The following TPH1 variants were observed in gnomAD, a reference collection of about 807,000 sequenced individuals.
The protein encoded by TPH1 is tryptophan 5-hydroxylase 1.
A neutral mutation model predicts 49.5 loss-of-function variants in TPH1; 37 were observed. That is an observed-to-expected ratio of 0.75 (90% confidence interval 0.58 to 0.98). The LOEUF (loss-of-function observed/expected upper bound fraction) is 0.98, where lower values mean the gene tolerates loss of function less well. Ranked by LOEUF, TPH1 falls within the 50% of genes least tolerant of loss-of-function variation. TPH1 has a pLI of 0.00. For synonymous variants in TPH1, 160 were observed against 182.1 expected, an observed-to-expected ratio of 0.88 and a Z score of 0.98; for missense variants, 487 against 523.6, an observed-to-expected ratio of 0.93 and a Z score of 0.68.
At chr11:18,029,939 C>T (rs1449302392) in intron 4 of TPH1, among the ~76,000 whole-genome samples, 2 of 151,978 alleles carry the variant, frequency 1.3e-5, no homozygotes, top group African/African-American at 4.8e-5. Context: ...GTTATATTTA[C>T]CTGTAATAGT....
At chr11:18,029,142 C>T in intron 6 of TPH1, 23 bp downstream of exon 6, 1 of 1,423,276 alleles carries the variant, frequency 7.0e-7, no homozygotes, top group Non-Finnish European at 9.8e-7. Context: ...AACTCCCTTA[C>T]AAAAAATTAA....
chr11:18,044,752 AAAC>A (rs200792233), intron 1 of TPH1, among the ~76,000 whole-genome samples: 13 of 139,444 alleles, frequency 9.3e-5, no homozygotes, highest in African/African-American at 2.9e-4. Context: ...TCTTTCAGGA[AAAC>A]AAAACAAAAC....
rs1260431470 is a variant in TPH1, at chr11:18,020,813, G to A, written c.*178C>T. Reference sequence around the variant, plus strand: ...AATAAAACTAAACAAAAAAATAAGTGGTAAATAGAATATCCAGGTACAAAT... The same window carrying A: ...AATAAAACTAAACAAAAAAATAAGTAGTAAATAGAATATCCAGGTACAAAT... On this transcript the variant is annotated 3_prime_UTR_variant, in exon 11 of 11. Coordinates refer to ENST00000682019, the MANE Select transcript of TPH1 (RefSeq NM_004179.3). The A allele has an allele frequency of 3.2e-6, 2 of 618,508 alleles. No homozygotes were observed. Among genetic ancestry groups the A allele is most frequent in the Non-Finnish European group, 5.7e-6 (2 of 352,866 alleles). The allele number at this position is 618,508 out of a possible 1,614,324, so 38.3% of individuals were successfully genotyped here.
chr11:18,042,563 G>A, intron 1 of TPH1: 1 of 262,398 alleles, frequency 3.8e-6, no homozygotes. Flanking sequence ...AAACTTGGAG[G>A]GAGGATAATT....
Position 18,029,176 on chromosome 11 carries a change from T to C in TPH1, c.656A>G (p.Asn219Ser), listed in dbSNP as rs780343911. The change falls in exon 6 of 11, where the codon AAC becomes AGC. Residue 219 changes from asparagine to serine, a missense_variant. By Grantham distance (46) the Asn-to-Ser change is conservative. Transcript: ENST00000682019. ...DNIPQLEDVS[N>S]FLKERTGFSI... ...AATTAGCTTATTACCTTTTAAAAAG[T>C]TGGAGACATCTTCCAATTGTGGGAT... 1.2e-6 allele frequency: 2 copies of C among 1,611,684 alleles called. No individual in the cohort carries two copies. Among genetic ancestry groups the C allele is most frequent in the Admixed American group, 3.3e-5 (2 of 59,938 alleles).
intron 8 of TPH1, among the ~76,000 whole-genome samples, chr11:18,024,647 T>C (rs1466919801): frequency 6.6e-6 from 1 of 152,226 alleles, no homozygotes; most frequent in Non-Finnish European, 1.5e-5. Context: ...ATCTGAATTA[T>C]GTCAATGAAC....
chr11:18,043,519 C>T (rs539182324), intron 1 of TPH1, among the ~76,000 whole-genome samples: 1 of 151,898 alleles, frequency 6.6e-6, no homozygotes. Flanking sequence ...GCATGAAAAT[C>T]GTTTGAACTC....
chr11:18,024,062 C>G, intron 8 of TPH1, 79 bp from the exon 9 acceptor site: 1 of 1,089,994 alleles, frequency 9.2e-7, no homozygotes, highest in Non-Finnish European at 1.4e-6. Context: ...GTCACTGACC[C>G]AAAATACCCT....
At chr11:18,044,033 C>T (rs1848119874) in intron 1 of TPH1, among the ~76,000 whole-genome samples, 1 of 152,124 alleles carries the variant, frequency 6.6e-6, no homozygotes, top group Admixed American at 6.5e-5. Flanking sequence ...GTGCCAACAT[C>T]TCCTTAGTTG....
intron 10 of TPH1, among the ~76,000 whole-genome samples, chr11:18,022,324 C>T (rs1251749793): frequency 1.3e-5 from 2 of 152,180 alleles, no homozygotes; most frequent in East Asian, 3.8e-4. Flanking sequence ...AACATCCTGA[C>T]CTTTTTTCAT....
Position 18,021,084 on chromosome 11 carries a change from G to A in TPH1, c.1242C>T (p.Thr414=), listed in dbSNP as rs1250633717. ...YTRSIQILKD[T]KSITSAMNEL... ...CATTCATGGCACTGGTTATGCTCTT[G>A]GTGTCTTTCAGGATCTGAATACTCC... The change falls in exon 11 of 11, where the codon ACC becomes ACT. Residue 414 remains threonine, a synonymous_variant. Transcript: ENST00000682019. 1 of 1,613,882 alleles carries A rather than the reference G, an allele frequency of 6.2e-7. No individual in the cohort carries two copies. Among genetic ancestry groups the A allele is most frequent in the Non-Finnish European group, 8.5e-7 (1 of 1,179,956 alleles).
Position 18,029,499 on chromosome 11 carries a change from T to A in TPH1, c.470+13A>T, listed in dbSNP as rs574802120. The A allele has an allele frequency of 5.1e-5, 81 of 1,596,340 alleles. No homozygotes were observed. The African/African-American group carries it at 7.8e-4, about 15-fold the overall frequency. ...TATCTCAAAGTTGACTATATTTTTT[T>A]AAATATACTTACTGTTTATAGTTCA... is the stretch of plus-strand genomic sequence containing the variant. On this transcript the variant is annotated intron_variant, in intron 5 of 10. Coordinates refer to ENST00000682019, the MANE Select transcript of TPH1 (RefSeq NM_004179.3).
chr11:18,033,145 T>A, intron 4 of TPH1, 129 bp downstream of exon 4: 1 of 736,802 alleles, frequency 1.4e-6, no homozygotes, highest in East Asian at 2.7e-5. Context: ...CCCAGCTACT[T>A]GGGAGGCTAA....
intron 3 of TPH1, among the ~76,000 whole-genome samples, chr11:18,033,902 G>A (rs1394827842): frequency 1.3e-5 from 2 of 151,950 alleles, no homozygotes; most frequent in Non-Finnish European, 2.9e-5. Flanking sequence ...CCCATTCCCT[G>A]CCCCACCCTA....
In TPH1 at chr11:18,020,977, A is replaced by G. The variant is rs1377892177; in HGVS notation, c.*14T>C. 2 of 1,613,630 alleles carry G rather than the reference A, an allele frequency of 1.2e-6. No individual in the cohort carries two copies. The highest frequency in any genetic ancestry group is 2.7e-5 in the African/African-American group (2 of 74,882). On this transcript the variant is annotated 3_prime_UTR_variant, in exon 11 of 11. Coordinates refer to ENST00000682019, the MANE Select transcript of TPH1 (RefSeq NM_004179.3). Reference sequence around the variant, plus strand: ...CGAATTGATGCTCAAATGTTCCTGGATGACTGGCTACTGTTAGATACTCGG... The same window carrying G: ...CGAATTGATGCTCAAATGTTCCTGGGTGACTGGCTACTGTTAGATACTCGG...
chr11:18,029,529 C>A lies in TPH1; in HGVS notation c.453G>T (p.Leu151Phe). The A allele has an allele frequency of 1.9e-6, 3 of 1,612,478 alleles. No homozygotes were observed. The Admixed American group carries it at 5.0e-5, about 27-fold the overall frequency. The change falls in exon 5 of 11, where the codon TTG becomes TTT. Residue 151 changes from leucine (L) to phenylalanine (F), a missense_variant. Leu to Phe is a conservative substitution (Grantham distance 22). Transcript: ENST00000682019. ...ATACTTACTGTTTATAGTTCATAGC[C>A]AAGTCCGCAAAATACTTTCGACGTT... ...YRKRRKYFAD[L>F]AMNYKHGDPI...
At chr11:18,034,091 G>A (rs1245498305) in intron 3 of TPH1, among the ~76,000 whole-genome samples, 7 of 152,138 alleles carry the variant, frequency 4.6e-5, no homozygotes, top group Non-Finnish European at 8.8e-5. Context: ...TAATGTACCT[G>A]TTTATATGTC....
chr11:18,023,031 A>G, intron 9 of TPH1, 100 bp from the exon 10 acceptor site: 3 of 1,275,470 alleles, frequency 2.4e-6, no homozygotes, highest in Non-Finnish European at 2.2e-6. Context: ...TACTAATGCA[A>G]TGGCCCCAAT....
intron 2 of TPH1, among the ~76,000 whole-genome samples, chr11:18,039,187 G>A (rs1481291824): frequency 6.6e-6 from 1 of 152,086 alleles, no homozygotes; most frequent in Non-Finnish European, 1.5e-5. Flanking sequence ...AATATTCTTT[G>A]CAAACAGCTA....
Sources: allele counts gnomAD v4.1 joint callset (sites outside exome capture counted in the v4.1 genomes callset), GRCh38; gene constraint gnomAD v4.1.1; transcripts MANE v1.5; gene names NCBI Gene and HGNC (gene_info 2026-07-23, HGNC 2026-07-21).